FHL5: variants seen among roughly 807,000 people sequenced by gnomAD.
FHL5 encodes four and a half LIM domains 5, also known as four and a half LIM domains protein 5.
FHL5 carries 33 observed loss-of-function variants against 32.0 expected under a neutral mutation model. The ratio of observed to expected loss-of-function variants is 1.03; its 90% CI spans 0.78 to 1.38. The LOEUF (loss-of-function observed/expected upper bound fraction) is 1.38, where lower values mean the gene tolerates loss of function less well. Ranked by LOEUF, FHL5 falls within the 40% of genes most tolerant of loss-of-function variation. The pLI is 0.00. For missense variants in FHL5, 336 were observed against 343.9 expected (o/e 0.98, Z 0.18); for synonymous variants, 114 against 113.6 (o/e 1.00, Z -0.02).
At chr6:96,582,636 G>T (rs1192743459) in intron 1 of FHL5, among the ~76,000 whole-genome samples, 1 of 152,000 alleles carries the variant, frequency 6.6e-6, no homozygotes, top group Non-Finnish European at 1.5e-5. Flanking sequence ...CAGCTCTCTG[G>T]AGAATTTGTG....
intron 1 of FHL5, among the ~76,000 whole-genome samples, chr6:96,590,738 AC>A (rs1770898963): frequency 6.6e-6 from 1 of 152,066 alleles, no homozygotes; most frequent in African/African-American, 2.4e-5. Flanking sequence ...GTTTTTTTAA[AC>A]CACATTGAAG....
At chr6:96,592,766 C>T (rs1261756644) in intron 1 of FHL5, among the ~76,000 whole-genome samples, 1 of 152,184 alleles carries the variant, frequency 6.6e-6, no homozygotes, top group Non-Finnish European at 1.5e-5. Flanking sequence ...ATGGCTTCAG[C>T]CAGTCCCTCC....
At chr6:96,592,777 G>A (rs777351448) in intron 1 of FHL5, among the ~76,000 whole-genome samples, 10 of 152,098 alleles carry the variant, frequency 6.6e-5, no homozygotes, top group Non-Finnish European at 8.8e-5. Context: ...CAGTCCCTCC[G>A]TTCAGGGTCC....
In FHL5 at chr6:96,618,103, C is replaced by A. The variant is rs921320290; in HGVS notation, c.*2331C>A. On this transcript the variant is annotated 3_prime_UTR_variant, in exon 6 of 6. Transcript: ENST00000450218. ...CATATGTAGACATAGCACACATATG[C>A]AAAACAACTAAGAAAAAGACCTCCT... is the stretch of plus-strand genomic sequence containing the variant. 4.6e-5 allele frequency among the ~76,000 whole-genome samples: 7 copies of A among 152,116 alleles called. No individual in the cohort carries two copies. The highest frequency in any genetic ancestry group is 1.5e-5 in the Non-Finnish European group (1 of 68,014).
At position 96,568,314 on chromosome 6, in the gene FHL5, T is replaced by C. The variant is rs144391861; in HGVS notation, c.-13+4959T>C. 3.9e-5 allele frequency among the ~76,000 whole-genome samples: 6 copies of C among 151,908 alleles called. No homozygotes were observed. The East Asian group carries it at 1.2e-3, about 29-fold the overall frequency. On this transcript the variant is annotated intron_variant, in intron 1 of 5. Transcript: ENST00000450218. Reference sequence around the variant, plus strand: ...TATATTACATCCCTGAGGTAAATCTTACCTACATGGTGAATAATCTCTTTA... The same window carrying C: ...TATATTACATCCCTGAGGTAAATCTCACCTACATGGTGAATAATCTCTTTA...
intron 1 of FHL5, among the ~76,000 whole-genome samples, chr6:96,599,887 T>C (rs908207744): frequency 2.0e-5 from 3 of 152,244 alleles, no homozygotes; most frequent in Non-Finnish European, 4.4e-5. Flanking sequence ...GAATTTTTAA[T>C]CTTTGAAAGC....
intron 3 of FHL5, among the ~76,000 whole-genome samples, chr6:96,605,648 T>TTA (rs1330891589): frequency 6.6e-6 from 1 of 152,192 alleles, no homozygotes; most frequent in Middle Eastern, 3.2e-3. Flanking sequence ...CATCTCCAGA[T>TTA]TATAGGTTAT....
At chr6:96,589,830 A>G (rs1430586604) in intron 1 of FHL5, among the ~76,000 whole-genome samples, 1 of 152,038 alleles carries the variant, frequency 6.6e-6, no homozygotes, top group Non-Finnish European at 1.5e-5. Flanking sequence ...GTTCACCTGG[A>G]AATAATCTTT....
intron 1 of FHL5, among the ~76,000 whole-genome samples, chr6:96,577,403 A>G (rs1405151412): frequency 6.6e-6 from 1 of 151,920 alleles, no homozygotes; most frequent in Non-Finnish European, 1.5e-5. Flanking sequence ...ACACATTCTC[A>G]CAAATACATA....
chr6:96,605,917 A>G lies in FHL5; in HGVS notation c.350A>G (p.Glu117Gly). Residue 117 changes from glutamate (E) to glycine (G), a missense_variant, in exon 4 of 6, where the codon GAA (glutamate) becomes GGA (glycine). Coordinates refer to ENST00000450218, the MANE Select transcript of FHL5 (RefSeq NM_001322466.2). ...RTIMPGSRKM[E>G]FKGNYWHETC... is the part of the protein sequence containing the mutation. ...TGGAGTACAGGTTCCCGCAAAATGG[A>G]ATTTAAGGGAAACTACTGGCATGAA... 6.2e-7 allele frequency: 1 copy of G among 1,613,976 alleles called. No individual in the cohort carries two copies. The highest frequency in any genetic ancestry group is 8.5e-7 in the Non-Finnish European group (1 of 1,179,946).
At chr6:96,599,128 T>TA (rs1046777049) in intron 1 of FHL5, among the ~76,000 whole-genome samples, 2 of 151,920 alleles carry the variant, frequency 1.3e-5, no homozygotes, top group Non-Finnish European at 2.9e-5. Flanking sequence ...AATAGCTATT[T>TA]AAAAAATAGC....
chr6:96,592,931 A>G (rs1184336874), intron 1 of FHL5, among the ~76,000 whole-genome samples: 1 of 152,024 alleles, frequency 6.6e-6, no homozygotes, highest in Non-Finnish European at 1.5e-5. Flanking sequence ...TGGGGCATGT[A>G]TTTTGTCAGT....
At chr6:96,595,735 A>G (rs1771021468) in intron 1 of FHL5, among the ~76,000 whole-genome samples, 1 of 151,826 alleles carries the variant, frequency 6.6e-6, no homozygotes, top group African/African-American at 2.4e-5. Context: ...TTTTAATTTT[A>G]ATGATAAGTT....
intron 1 of FHL5, among the ~76,000 whole-genome samples, chr6:96,602,791 C>T (rs1771182741): frequency 6.6e-6 from 1 of 152,100 alleles, no homozygotes; most frequent in African/African-American, 2.4e-5. Flanking sequence ...GTTACTTTGG[C>T]CCTAAAGCCT....
intron 1 of FHL5, among the ~76,000 whole-genome samples, chr6:96,575,487 C>A (rs1770565444): frequency 6.6e-6 from 1 of 152,214 alleles, no homozygotes; most frequent in South Asian, 2.1e-4. Context: ...TCTTACAGTG[C>A]TCCCTCATGA....
chr6:96,569,562 T>C (rs1770430750), intron 1 of FHL5, among the ~76,000 whole-genome samples: 1 of 152,062 alleles, frequency 6.6e-6, no homozygotes, highest in Non-Finnish European at 1.5e-5. Context: ...GAAATCTATT[T>C]CTCCTTTGGG....
intron 1 of FHL5, among the ~76,000 whole-genome samples, chr6:96,572,591 T>G (rs1770502367): frequency 6.6e-6 from 1 of 152,306 alleles, no homozygotes; most frequent in South Asian, 2.1e-4. Flanking sequence ...CAAGATGCCA[T>G]AGCCAATAGT....
chr6:96,570,528 C>T (rs55783065), intron 1 of FHL5, among the ~76,000 whole-genome samples: 5 of 152,084 alleles, frequency 3.3e-5, no homozygotes, highest in Non-Finnish European at 7.4e-5. Flanking sequence ...CCTCCACAAC[C>T]CCCACCACTA....
chr6:96,573,527 A>ATTT (rs553599471), intron 1 of FHL5, among the ~76,000 whole-genome samples: 122 of 112,380 alleles, frequency 1.1e-3, no homozygotes, highest in African/African-American at 2.9e-3. Context: ...AAATATTCTA[A>ATTT]TTTTTTTTTT....
Sources: allele counts gnomAD v4.1 joint callset (sites outside exome capture counted in the v4.1 genomes callset), GRCh38; gene constraint gnomAD v4.1.1; transcripts MANE v1.5; gene names NCBI Gene and HGNC (gene_info 2026-07-23, HGNC 2026-07-21).